Variants in CATSPERE observed in about 807,000 individuals in gnomAD.
The protein encoded by CATSPERE is catsper channel auxiliary subunit epsilon.
A neutral mutation model predicts 114.1 loss-of-function variants in CATSPERE; 93 were observed. The ratio of observed to expected loss-of-function variants is 0.81; its 90% CI spans 0.69 to 0.97. CATSPERE has a LOEUF of 0.97. Ranked by LOEUF, CATSPERE falls within the 50% of genes least tolerant of loss-of-function variation. The pLI is 0.00. For missense variants in CATSPERE, 1,058 were observed against 1,131.6 expected (o/e 0.93, Z 0.93); for synonymous variants, 341 against 384.1 (o/e 0.89, Z 1.31).
chr1:244,598,121 C>T (rs1046161428), intron 17 of CATSPERE, among the ~76,000 whole-genome samples: 1 of 152,110 alleles, frequency 6.6e-6, no homozygotes, highest in African/African-American at 2.4e-5. Flanking sequence ...AAACCAGTCT[C>T]CAGTAGGTTT....
Position 244,639,962 on chromosome 1 carries a change from G to A in CATSPERE, c.2737G>A (p.Val913Ile), listed in dbSNP as rs187893816. ...CTACCTGGTAGCTTCTTTCCTCTTC[G>A]TCCTGATGCTGCTCTTCTTCACTAT... ...SVYLVASFLF[V>I]LMLLFFTILV... Residue 913 changes from valine (V) to isoleucine (I), a missense_variant, in exon 22 of 22, where the codon GTC becomes ATC. Physicochemically the swap from Val to Ile is conservative, Grantham distance 29. Coordinates refer to ENST00000366534, the MANE Select transcript of CATSPERE (RefSeq NM_001130957.2). 3,919 of 1,543,412 alleles carry A rather than the reference G, an allele frequency of 2.5e-3. 14 individuals carry two copies. The highest frequency in any genetic ancestry group is 8.9e-3 in the Middle Eastern group (53 of 5,976).
At chr1:244,589,945 C>T (rs1195458933) in intron 14 of CATSPERE, among the ~76,000 whole-genome samples, 1 of 152,138 alleles carries the variant, frequency 6.6e-6, no homozygotes, top group Non-Finnish European at 1.5e-5. Context: ...GCTCAAGTTA[C>T]AGTGGGCCTA....
rs190800841 is a variant in CATSPERE at position 244,454,860 on chromosome 1, G to C, written n.237+247G>C. ...CCCTATAAGCCTGCTTTTCAAGCCG[G>C]CTTGGCAGGCTGGTCAGTTACAAAC... On this transcript the variant is annotated intron_variant and non_coding_transcript_variant, in intron 1 of 15. Coordinates refer to the CATSPERE transcript ENST00000473875. Among the ~76,000 whole-genome samples, 129 of 152,208 alleles carry C rather than the reference G, an allele frequency of 8.5e-4. 1 individual carries two copies. The highest frequency in any genetic ancestry group is 9.1e-4 in the Non-Finnish European group (62 of 68,006).
At chr1:244,455,598 TTCTC>T (rs144982746) in intron 1 of CATSPERE, among the ~76,000 whole-genome samples, 34,912 of 151,768 alleles carry the variant, frequency 0.23, 4,678 homozygotes, top group East Asian at 0.43. Context: ...GCCTTTATGT[TTCTC>T]TCTTCTTGGA....
chr1:244,620,119 G>A (rs985659656), intron 20 of CATSPERE, among the ~76,000 whole-genome samples: 17 of 152,150 alleles, frequency 1.1e-4, no homozygotes, highest in South Asian at 2.1e-4. Flanking sequence ...GTATGTGGCC[G>A]AAATTCCTTT....
intron 11 of CATSPERE, among the ~76,000 whole-genome samples, chr1:244,579,697 T>C (rs977743795): frequency 1.9e-4 from 29 of 152,228 alleles, no homozygotes; most frequent in Admixed American, 1.6e-3. Flanking sequence ...CAATGAAACA[T>C]TGCATTTTGC....
At chr1:244,469,287 A>G (rs955201621) in intron 2 of CATSPERE, among the ~76,000 whole-genome samples, 1 of 152,228 alleles carries the variant, frequency 6.6e-6, no homozygotes, top group Non-Finnish European at 1.5e-5. Flanking sequence ...TATGGAGTAC[A>G]TATAAGGAAT....
At chr1:244,610,183 G>A in intron 18 of CATSPERE, 57 bp from the exon 19 acceptor site, 1 of 1,105,746 alleles carries the variant, frequency 9.0e-7, no homozygotes, top group South Asian at 1.5e-5. Context: ...AAATACTTAG[G>A]AATAAGTTGA....
At chr1:244,536,074 A>G (rs1680341108) in intron 8 of CATSPERE, among the ~76,000 whole-genome samples, 1 of 151,880 alleles carries the variant, frequency 6.6e-6, no homozygotes, top group Non-Finnish European at 1.5e-5. Flanking sequence ...AGGGCCTGGC[A>G]TGGGGGCCTC....
intron 5 of CATSPERE, among the ~76,000 whole-genome samples, chr1:244,487,809 G>A (rs1047604107): frequency 2.0e-5 from 3 of 151,980 alleles, no homozygotes; most frequent in African/African-American, 4.8e-5. Flanking sequence ...GGGACTGTAC[G>A]GGAGCCAAAA....
intron 5 of CATSPERE, among the ~76,000 whole-genome samples, chr1:244,490,187 T>C (rs1318029782): frequency 2.0e-5 from 3 of 152,186 alleles, no homozygotes; most frequent in African/African-American, 7.2e-5. Flanking sequence ...TGAGCGGTTT[T>C]GGTGATGTTA....
chr1:244,524,987 C>T (rs1160229657), intron 8 of CATSPERE, among the ~76,000 whole-genome samples: 2 of 133,566 alleles, frequency 1.5e-5, no homozygotes, highest in Admixed American at 7.1e-5. Flanking sequence ...TCCCATTACT[C>T]GGTATATACC....
At chr1:244,638,775 AC>A (rs1420226755) in intron 21 of CATSPERE, among the ~76,000 whole-genome samples, 1 of 152,074 alleles carries the variant, frequency 6.6e-6, no homozygotes, top group Non-Finnish European at 1.5e-5. Context: ...TATTTCTCAA[AC>A]CCCACATCTT....
intron 5 of CATSPERE, among the ~76,000 whole-genome samples, chr1:244,480,875 C>T (rs1186514774): frequency 6.6e-6 from 1 of 152,180 alleles, no homozygotes; most frequent in Admixed American, 6.5e-5. Context: ...ATGAAACCGG[C>T]AGGCTTCTGT....
At chr1:244,615,324 T>C (rs1573016460) in intron 19 of CATSPERE, among the ~76,000 whole-genome samples, 1 of 151,902 alleles carries the variant, frequency 6.6e-6, no homozygotes, top group Non-Finnish European at 1.5e-5. Flanking sequence ...AAAGTTATAC[T>C]GTTAAATTAG....
intron 2 of CATSPERE, among the ~76,000 whole-genome samples, chr1:244,472,166 G>T (rs749200800): frequency 4.6e-5 from 7 of 152,078 alleles, no homozygotes; most frequent in Non-Finnish European, 7.4e-5. Context: ...TTACTATGTT[G>T]CCCTGGCTGG....
intron 17 of CATSPERE, among the ~76,000 whole-genome samples, chr1:244,604,464 A>G (rs1462747709): frequency 1.3e-5 from 2 of 152,274 alleles, no homozygotes; most frequent in Admixed American, 6.5e-5. Context: ...AGAAGGCCAG[A>G]TACAAATGTG....
At chr1:244,583,497 A>T (rs1666550323) in intron 12 of CATSPERE, among the ~76,000 whole-genome samples, 1 of 152,184 alleles carries the variant, frequency 6.6e-6, no homozygotes, top group Non-Finnish European at 1.5e-5. Flanking sequence ...GAACCCACAC[A>T]GTGGCTGCCA....
chr1:244,480,371 C>T (rs141453910), intron 5 of CATSPERE, among the ~76,000 whole-genome samples: 23 of 152,238 alleles, frequency 1.5e-4, no homozygotes, highest in Non-Finnish European at 3.1e-4. Flanking sequence ...ATCCCAGGCA[C>T]CGTGTAGGAC....
Sources: allele counts gnomAD v4.1 joint callset (sites outside exome capture counted in the v4.1 genomes callset), GRCh38; gene constraint gnomAD v4.1.1; transcripts MANE v1.5; gene names NCBI Gene and HGNC (gene_info 2026-07-23, HGNC 2026-07-21).